The following CLNS1A variants were observed in gnomAD, a reference collection of about 807,000 sequenced individuals.
The protein encoded by CLNS1A is methylosome subunit pICln.
In CLNS1A, 16 loss-of-function variants were observed where a neutral mutation model predicts 29.4. That is an observed-to-expected ratio of 0.54 (90% CI 0.37 to 0.83). The LOEUF (loss-of-function observed/expected upper bound fraction) is 0.83. CLNS1A is among the 40% of genes least tolerant of loss of function. The probability of loss-of-function intolerance (pLI) is 0.00; values close to 1 mark genes in which losing one functional copy is unlikely to be tolerated. For missense variants in CLNS1A, 235 were observed against 287.4 expected (o/e 0.82, Z 1.32); for synonymous variants, 96 against 104.8 (o/e 0.92, Z 0.51).
At chr11:77,623,288 C>T (rs1165436618) in intron 4 of CLNS1A, among the ~76,000 whole-genome samples, 2 of 151,998 alleles carry the variant, frequency 1.3e-5, no homozygotes, top group African/African-American at 4.8e-5. Context: ...AAAACATGCT[C>T]CTTTCTTAAA....
At chr11:77,636,077 T>A (rs1403159233) in intron 1 of CLNS1A, among the ~76,000 whole-genome samples, 1 of 151,960 alleles carries the variant, frequency 6.6e-6, no homozygotes, top group Non-Finnish European at 1.5e-5. Context: ...TTTTTATTTT[T>A]ATTTTTTTTT....
At chr11:77,617,292 C>T (rs1016940887) in intron 6 of CLNS1A, among the ~76,000 whole-genome samples, 4 of 139,100 alleles carry the variant, frequency 2.9e-5, no homozygotes, top group Admixed American at 1.5e-4. Flanking sequence ...CACTTGAACC[C>T]GGGGGGGCGG....
At chr11:77,634,879 C>T (rs1959108711) in intron 1 of CLNS1A, among the ~76,000 whole-genome samples, 1 of 152,150 alleles carries the variant, frequency 6.6e-6, no homozygotes, top group South Asian at 2.1e-4. Flanking sequence ...ACCGCAGCCT[C>T]AACTGCCCAG....
intron 1 of CLNS1A, among the ~76,000 whole-genome samples, chr11:77,637,028 G>A (rs1959132809): frequency 6.6e-6 from 1 of 151,780 alleles, no homozygotes; most frequent in Non-Finnish European, 1.5e-5. Flanking sequence ...TCGAGTTAAG[G>A]GTGTTCCTCT....
intron 5 of CLNS1A, among the ~76,000 whole-genome samples, chr11:77,621,480 C>A (rs985143688): frequency 2.0e-5 from 3 of 152,104 alleles, no homozygotes; most frequent in Admixed American, 6.5e-5. Flanking sequence ...CTTGTCTCTA[C>A]TAAAAATACA....
chr11:77,634,801 T>C (rs1386796481), intron 1 of CLNS1A, among the ~76,000 whole-genome samples: 1 of 151,730 alleles, frequency 6.6e-6, no homozygotes, highest in Non-Finnish European at 1.5e-5. Context: ...AAATAATGTT[T>C]AATTTTTTTC....
At chr11:77,634,155 G>A (rs942138426) in intron 1 of CLNS1A, among the ~76,000 whole-genome samples, 10 of 151,710 alleles carry the variant, frequency 6.6e-5, no homozygotes, top group East Asian at 5.8e-4. Flanking sequence ...GAAATAAGCC[G>A]GAGATTCTAA....
chr11:77,633,799 G>A (rs780440391), intron 1 of CLNS1A, among the ~76,000 whole-genome samples: 1 of 151,636 alleles, frequency 6.6e-6, no homozygotes, highest in Non-Finnish European at 1.5e-5. Context: ...TTCCTTATTT[G>A]GATAAAAATT....
intron 5 of CLNS1A, among the ~76,000 whole-genome samples, chr11:77,620,979 C>G (rs1050582522): frequency 2.6e-5 from 4 of 151,548 alleles, no homozygotes; most frequent in African/African-American, 9.7e-5. Context: ...GAGACTCCGT[C>G]TTAAATAAAT....
At chr11:77,618,990 A>G (rs1958930961) in intron 6 of CLNS1A, among the ~76,000 whole-genome samples, 1 of 152,238 alleles carries the variant, frequency 6.6e-6, no homozygotes, top group Non-Finnish European at 1.5e-5. Flanking sequence ...CAAGAAAACA[A>G]TGCTATAAGG....
At chr11:77,622,939 C>A (rs1235118012) in intron 4 of CLNS1A, among the ~76,000 whole-genome samples, 4 of 145,542 alleles carry the variant, frequency 2.7e-5, no homozygotes, top group Admixed American at 6.9e-5. Context: ...CCGAGCAAGA[C>A]CTTGTCTTGG....
At chr11:77,622,091 G>A (rs1004995628) in intron 5 of CLNS1A, 11 of 456,508 alleles carry the variant, frequency 2.4e-5, no homozygotes, top group Non-Finnish European at 4.8e-5. Context: ...ACCTATCGTG[G>A]ACTTCTAGCC....
intron 6 of CLNS1A, chr11:77,619,388 G>T: frequency 4.3e-6 from 2 of 469,390 alleles, no homozygotes; most frequent in South Asian, 5.0e-5. Flanking sequence ...AAAATAAGCT[G>T]GGTGTGGTAA....
rs138571307 is a variant in CLNS1A, at chr11:77,614,809, C to T, written c.*1909G>A. On this transcript the variant is annotated 3_prime_UTR_variant, in exon 7 of 7. Transcript: ENST00000525428. Reference sequence around the variant, plus strand: ...CAGGAACACACAAAGAAAACAATTCCAGCAACCCTAAAATTAGGCTCAAAT... The same window carrying T: ...CAGGAACACACAAAGAAAACAATTCTAGCAACCCTAAAATTAGGCTCAAAT... 2.6e-5 allele frequency: 4 copies of T among 152,260 alleles called. No individual in the cohort carries two copies. The highest frequency in any genetic ancestry group is 9.6e-5 in the African/African-American group (4 of 41,552). 9.4% of individuals were successfully genotyped at this position (152,260 alleles called of 1,614,324 possible). A position where few individuals can be genotyped will look rare whatever the true frequency, so the allele number is the denominator to read the frequency against.
chr11:77,617,694 C>T (rs189583558), intron 6 of CLNS1A, among the ~76,000 whole-genome samples: 42 of 151,862 alleles, frequency 2.8e-4, no homozygotes, highest in African/African-American at 8.9e-4. Context: ...CCGAGGCAGG[C>T]GGATCACGAG....
At chr11:77,637,542 G>C in intron 1 of CLNS1A, 48 bp downstream of exon 1, 1 of 1,560,426 alleles carries the variant, frequency 6.4e-7, no homozygotes, top group African/African-American at 1.4e-5. Context: ...CTCCAGCAAG[G>C]AGGAGGGCGG....
intron 5 of CLNS1A, among the ~76,000 whole-genome samples, chr11:77,620,667 G>A (rs1441141454): frequency 6.6e-6 from 1 of 151,800 alleles, no homozygotes; most frequent in African/African-American, 2.4e-5. Context: ...AAATTACCCG[G>A]GCATGGTGGC....
chr11:77,631,289 C>T (rs1208670192), intron 1 of CLNS1A, among the ~76,000 whole-genome samples: 1 of 151,766 alleles, frequency 6.6e-6, no homozygotes, highest in Non-Finnish European at 1.5e-5. Context: ...AACTGTACAA[C>T]TCTGTAAATA....
chr11:77,628,317 C>G (rs1959041827), intron 2 of CLNS1A, among the ~76,000 whole-genome samples: 1 of 152,186 alleles, frequency 6.6e-6, no homozygotes, highest in African/African-American at 2.4e-5. Context: ...TGAATGAATG[C>G]TTTAAACTAA....
Sources: gnomAD v4.1 joint callset for allele counts (sites outside exome capture counted in the v4.1 genomes callset) on GRCh38, gnomAD v4.1.1 for gene constraint, MANE v1.5 for transcripts, NCBI Gene and HGNC (gene_info 2026-07-23, HGNC 2026-07-21) for gene names.